Variants in RAB11FIP4 observed in about 807,000 individuals in gnomAD.
RAB11FIP4 encodes rab11 family-interacting protein 4.
A neutral mutation model predicts 74.3 loss-of-function variants in RAB11FIP4; 23 were observed. That is an observed-to-expected ratio of 0.31 (90% confidence interval 0.22 to 0.44). The LOEUF (loss-of-function observed/expected upper bound fraction) is 0.44. Ranked by LOEUF, RAB11FIP4 falls within the 20% of genes least tolerant of loss-of-function variation. The pLI is 1.00. For synonymous variants in RAB11FIP4, 360 were observed against 359.9 expected (o/e 1.00, Z 0.00); for missense variants, 630 against 863.9 (o/e 0.73, Z 3.39).
intron 3 of RAB11FIP4, among the ~76,000 whole-genome samples, chr17:31,501,257 C>T (rs2072215300): frequency 6.7e-6 from 1 of 149,668 alleles, no homozygotes; most frequent in Non-Finnish European, 1.5e-5. Flanking sequence ...TCTGGAAATC[C>T]AGTTACAGAT....
At chr17:31,488,252 C>G (rs576562781) in intron 3 of RAB11FIP4, 2 of 1,167,336 alleles carry the variant, frequency 1.7e-6, no homozygotes, top group Admixed American at 4.7e-5. Flanking sequence ...GATGCGCACC[C>G]CGCCAGCTCT....
intron 1 of RAB11FIP4, among the ~76,000 whole-genome samples, chr17:31,429,564 C>T (rs1376189505): frequency 1.3e-5 from 2 of 152,206 alleles, no homozygotes; most frequent in African/African-American, 2.4e-5. Flanking sequence ...TGGTGGATCA[C>T]GCCTGTAATC....
At chr17:31,516,969 G>C (rs1221871957) in intron 3 of RAB11FIP4, among the ~76,000 whole-genome samples, 1 of 151,624 alleles carries the variant, frequency 6.6e-6, no homozygotes, top group Non-Finnish European at 1.5e-5. Flanking sequence ...AGAGGCCAAA[G>C]TGAAGTTACA....
At chr17:31,519,940 C>T (rs2072630922) in intron 4 of RAB11FIP4, among the ~76,000 whole-genome samples, 2 of 151,892 alleles carry the variant, frequency 1.3e-5, no homozygotes, top group African/African-American at 4.8e-5. Context: ...TGGCAAAAAC[C>T]CCATCTCTAC....
intron 3 of RAB11FIP4, among the ~76,000 whole-genome samples, chr17:31,448,111 G>A (rs1304504721): frequency 1.2e-4 from 19 of 152,144 alleles, no homozygotes; most frequent in African/African-American, 2.4e-4. Context: ...CGCGCCCTGC[G>A]GGAAAGACTT....
chr17:31,523,637 G>T lies in RAB11FIP4; in HGVS notation c.1029+26G>T, dbSNP rs567231712. ...GTGGGCCTTGGGTGGCTGGAGAAGGGACTGAATGCATGCCTGCTCCCAGGG... is the reference window on the plus strand; with the variant it reads ...GTGGGCCTTGGGTGGCTGGAGAAGGTACTGAATGCATGCCTGCTCCCAGGG... On this transcript the variant is annotated intron_variant, in intron 8 of 14. Coordinates refer to ENST00000621161, the MANE Select transcript of RAB11FIP4 (RefSeq NM_032932.6). 1.9e-4 allele frequency: 299 copies of T among 1,584,320 alleles called. 2 individuals are homozygous for T. The South Asian group carries it at 3.2e-3, about 17-fold the overall frequency.
chr17:31,522,552 C>G, intron 7 of RAB11FIP4, 157 bp downstream of exon 7: 1 of 670,818 alleles, frequency 1.5e-6, no homozygotes. Flanking sequence ...GCCAGGGCAG[C>G]GTCACTTCTG....
At chr17:31,462,659 T>C (rs980490859) in intron 3 of RAB11FIP4, among the ~76,000 whole-genome samples, 1 of 152,154 alleles carries the variant, frequency 6.6e-6, no homozygotes, top group African/African-American at 2.4e-5. Flanking sequence ...TTTTTTGAGA[T>C]GGAGTCTCAC....
intron 3 of RAB11FIP4, among the ~76,000 whole-genome samples, chr17:31,482,886 C>T (rs2142740290): frequency 6.6e-6 from 1 of 152,072 alleles, no homozygotes; most frequent in East Asian, 1.9e-4. Flanking sequence ...CACATAGAGC[C>T]CCAGCTGGGC....
At chr17:31,492,850 C>G (rs2072036785) in intron 3 of RAB11FIP4, among the ~76,000 whole-genome samples, 1 of 105,532 alleles carries the variant, frequency 9.5e-6, no homozygotes, top group Non-Finnish European at 2.0e-5. Context: ...CTGAGCCCCC[C>G]TCAAGAGCAT....
chr17:31,516,922 C>T (rs1022974897), intron 3 of RAB11FIP4, among the ~76,000 whole-genome samples: 1 of 152,010 alleles, frequency 6.6e-6, no homozygotes, highest in African/African-American at 2.4e-5. Flanking sequence ...AGTAGTGGCC[C>T]ACAGTCAGTT....
chr17:31,526,960 G>C (rs972757326), intron 10 of RAB11FIP4: 2 of 152,206 alleles, frequency 1.3e-5, no homozygotes, highest in African/African-American at 4.8e-5. Flanking sequence ...GAACACCCAG[G>C]CTCTGTCTTC....
intron 3 of RAB11FIP4, 110 bp from the exon 4 acceptor site, chr17:31,517,541 G>A (rs997920921): frequency 9.7e-7 from 1 of 1,032,114 alleles, no homozygotes; most frequent in Admixed American, 2.1e-5. Flanking sequence ...TGGGCCTCCT[G>A]TACCCAATCC....
chr17:31,433,951 A>G, intron 2 of RAB11FIP4, 83 bp from the exon 3 acceptor site: 3 of 1,347,438 alleles, frequency 2.2e-6, no homozygotes, highest in Non-Finnish European at 2.1e-6. Flanking sequence ...TTCCCACCCT[A>G]TGCCCATTAG....
At chr17:31,484,017 T>C (rs1273425389) in intron 3 of RAB11FIP4, among the ~76,000 whole-genome samples, 1 of 151,090 alleles carries the variant, frequency 6.6e-6, no homozygotes, top group Non-Finnish European at 1.5e-5. Flanking sequence ...GAGGCTACAG[T>C]GAGCTATGAT....
intron 1 of RAB11FIP4, chr17:31,392,295 G>A (rs1247450562): frequency 3.7e-6 from 1 of 273,280 alleles, no homozygotes; most frequent in Non-Finnish European, 6.9e-6. Context: ...CCTTCTGAGC[G>A]GTCTGCACAT....
At chr17:31,419,399 C>G (rs2071177716) in intron 1 of RAB11FIP4, among the ~76,000 whole-genome samples, 1 of 150,726 alleles carries the variant, frequency 6.6e-6, no homozygotes, top group African/African-American at 2.4e-5. Context: ...CATTAGTTTT[C>G]AAATGTTGGG....
chr17:31,479,128 A>G (rs2071822574), intron 3 of RAB11FIP4, among the ~76,000 whole-genome samples: 1 of 152,208 alleles, frequency 6.6e-6, no homozygotes, highest in African/African-American at 2.4e-5. Flanking sequence ...CTACTCTACA[A>G]GATTGTTGGA....
chr17:31,463,455 A>G (rs2071652128), intron 3 of RAB11FIP4, among the ~76,000 whole-genome samples: 1 of 152,162 alleles, frequency 6.6e-6, no homozygotes, highest in Admixed American at 6.5e-5. Context: ...TGGCACCAAC[A>G]CAGGAGGCCT....
Sources: allele counts gnomAD v4.1 joint callset (sites outside exome capture counted in the v4.1 genomes callset), GRCh38; gene constraint gnomAD v4.1.1; transcripts MANE v1.5; gene names NCBI Gene and HGNC (gene_info 2026-07-23, HGNC 2026-07-21).